The following TEAD1 variants were observed in gnomAD, a reference collection of about 807,000 sequenced individuals.
TEAD1 encodes transcriptional enhancer factor TEF-1.
A neutral mutation model predicts 54.9 loss-of-function variants in TEAD1; 9 were observed. The ratio of observed to expected loss-of-function variants is 0.16; its 90% CI spans 0.10 to 0.29. TEAD1 has a LOEUF of 0.29. TEAD1 is among the 10% of genes least tolerant of loss of function. TEAD1 has a pLI of 1.00. For synonymous variants in TEAD1, 200 were observed against 187.8 expected (o/e 1.07, Z -0.53); for missense variants, 387 against 535.9 (o/e 0.72, Z 2.74).
chr11:12,900,430 A>G (rs998133072), intron 9 of TEAD1, among the ~76,000 whole-genome samples: 1 of 152,216 alleles, frequency 6.6e-6, no homozygotes, highest in African/African-American at 2.4e-5. Flanking sequence ...AAAGAATAAT[A>G]GCTAGATTTT....
chr11:12,935,892 G>C (rs968598258), intron 12 of TEAD1, among the ~76,000 whole-genome samples: 2 of 152,190 alleles, frequency 1.3e-5, no homozygotes, highest in Non-Finnish European at 2.9e-5. Flanking sequence ...ACGCCAGTAT[G>C]TGTTTACCAA....
intron 2 of TEAD1, among the ~76,000 whole-genome samples, chr11:12,692,341 TG>T: frequency 6.6e-6 from 1 of 152,158 alleles, no homozygotes; most frequent in East Asian, 1.9e-4. Flanking sequence ...TTTGTTTTGT[TG>T]GTGAAACAAA....
chr11:12,728,618 C>T (rs1043007717), intron 2 of TEAD1, among the ~76,000 whole-genome samples: 2 of 152,138 alleles, frequency 1.3e-5, no homozygotes, highest in Non-Finnish European at 2.9e-5. Flanking sequence ...CTTGTAATAG[C>T]GGCAGATAAA....
chr11:12,792,119 A>G (rs1415546515), intron 3 of TEAD1, among the ~76,000 whole-genome samples: 1 of 152,138 alleles, frequency 6.6e-6, no homozygotes, highest in African/African-American at 2.4e-5. Flanking sequence ...CATGGAGACT[A>G]TTTGAGATCA....
At chr11:12,710,329 TAAA>T (rs980519453) in intron 2 of TEAD1, among the ~76,000 whole-genome samples, 1 of 151,602 alleles carries the variant, frequency 6.6e-6, no homozygotes, top group Non-Finnish European at 1.5e-5. Context: ...GTCTCAAAAT[TAAA>T]AAAAACCCAC....
At chr11:12,906,216 A>G (rs757024771) in intron 10 of TEAD1, among the ~76,000 whole-genome samples, 12 of 152,092 alleles carry the variant, frequency 7.9e-5, no homozygotes, top group Non-Finnish European at 1.5e-4. Flanking sequence ...ATTGAGGTAT[A>G]ATTTATATAC....
At position 12,856,700 on chromosome 11, in the gene TEAD1, C is replaced by T. The variant is rs76577036; in HGVS notation, c.203-5550C>T. On this transcript the variant is annotated intron_variant, in intron 3 of 12. Coordinates refer to ENST00000527636, the MANE Select transcript of TEAD1 (RefSeq NM_021961.6). ...TTTTCCTTGTTTTAATATGGAAGAA[C>T]GGGGTGGAGAATCCTCACACATCCT... 1.4e-4 allele frequency among the ~76,000 whole-genome samples: 22 copies of T among 152,184 alleles called. No homozygotes were observed. The East Asian group carries it at 3.9e-3, about 27-fold the overall frequency.
intron 9 of TEAD1, among the ~76,000 whole-genome samples, chr11:12,893,996 C>G (rs1406043887): frequency 1.3e-5 from 2 of 152,074 alleles, no homozygotes; most frequent in Non-Finnish European, 2.9e-5. Flanking sequence ...CGCAGGCTGC[C>G]CAGCCTGCCC....
At chr11:12,719,728 G>A (rs922891186) in intron 2 of TEAD1, among the ~76,000 whole-genome samples, 1 of 151,972 alleles carries the variant, frequency 6.6e-6, no homozygotes, top group Admixed American at 6.6e-5. Context: ...TGGGGTAGGG[G>A]TATTAGGATA....
intron 3 of TEAD1, among the ~76,000 whole-genome samples, chr11:12,767,190 TG>T (rs1457198120): frequency 1.3e-5 from 2 of 152,266 alleles, no homozygotes; most frequent in African/African-American, 2.4e-5. Context: ...ACTCGAGAAC[TG>T]AATCATATGA....
At chr11:12,863,055 G>T (rs1193830056) in intron 4 of TEAD1, among the ~76,000 whole-genome samples, 1 of 152,036 alleles carries the variant, frequency 6.6e-6, no homozygotes, top group Non-Finnish European at 1.5e-5. Flanking sequence ...AAACCTCATG[G>T]GTGAGTTGTT....
At chr11:12,936,223 G>A (rs2134178191) in intron 12 of TEAD1, among the ~76,000 whole-genome samples, 1 of 152,322 alleles carries the variant, frequency 6.6e-6, no homozygotes, top group Non-Finnish European at 1.5e-5. Flanking sequence ...AGGACAGAAA[G>A]GAGTCAGGGT....
chr11:12,708,694 C>T (rs1021944883), intron 2 of TEAD1, among the ~76,000 whole-genome samples: 2 of 151,918 alleles, frequency 1.3e-5, no homozygotes, highest in African/African-American at 4.8e-5. Flanking sequence ...GTTGCCATCA[C>T]CTGGGGCTTT....
intron 3 of TEAD1, among the ~76,000 whole-genome samples, chr11:12,773,536 A>C (rs893306777): frequency 6.6e-6 from 1 of 152,116 alleles, no homozygotes; most frequent in Non-Finnish European, 1.5e-5. Flanking sequence ...ACATCTTTTC[A>C]TGTGCTTATT....
At chr11:12,751,663 CAG>C (rs1944872583) in intron 2 of TEAD1, among the ~76,000 whole-genome samples, 2 of 152,244 alleles carry the variant, frequency 1.3e-5, no homozygotes, top group South Asian at 2.1e-4. Context: ...TAAATTGAAA[CAG>C]ATAATTAGAA....
chr11:12,883,179 G>A, intron 9 of TEAD1, 54 bp downstream of exon 9: 1 of 1,592,664 alleles, frequency 6.3e-7, no homozygotes, highest in South Asian at 1.1e-5. Context: ...TCCCTTTACT[G>A]TTTACCTCCT....
chr11:12,772,640 G>A (rs1449639870), intron 3 of TEAD1, among the ~76,000 whole-genome samples: 1 of 152,128 alleles, frequency 6.6e-6, no homozygotes, highest in Non-Finnish European at 1.5e-5. Flanking sequence ...TTGAGATACT[G>A]TAGATTCACA....
At chr11:12,772,733 T>C (rs1481361524) in intron 3 of TEAD1, among the ~76,000 whole-genome samples, 6 of 152,156 alleles carry the variant, frequency 3.9e-5, no homozygotes. Flanking sequence ...TTTGCAAAAC[T>C]GGAGTGTAAT....
At chr11:12,773,008 T>G (rs1436710453) in intron 3 of TEAD1, among the ~76,000 whole-genome samples, 1 of 152,218 alleles carries the variant, frequency 6.6e-6, no homozygotes, top group African/African-American at 2.4e-5. Flanking sequence ...TTCAAACATG[T>G]TATATAAATG....
Sources: gnomAD v4.1 joint callset for allele counts (sites outside exome capture counted in the v4.1 genomes callset) on GRCh38, gnomAD v4.1.1 for gene constraint, MANE v1.5 for transcripts, NCBI Gene and HGNC (gene_info 2026-07-23, HGNC 2026-07-21) for gene names.